Variants in DLG2 observed in about 807,000 individuals in gnomAD.
DLG2 encodes discs large MAGUK scaffold protein 2.
DLG2 carries 45 observed loss-of-function variants against 132.5 expected under a neutral mutation model. The observed-to-expected ratio is 0.34, with a 90% confidence interval of 0.27 to 0.44. DLG2 has a LOEUF of 0.44. Ranked by LOEUF, DLG2 falls within the 20% of genes least tolerant of loss-of-function variation. The probability of loss-of-function intolerance (pLI) is 1.00; values close to 1 mark genes in which losing one functional copy is unlikely to be tolerated. For synonymous variants in DLG2, 424 were observed against 419.6 expected (o/e 1.01, Z -0.13); for missense variants, 1,045 against 1,196.9 (o/e 0.87, Z 1.87).
Position 83,484,245 on chromosome 11 carries a change from G to A in DLG2, c.2194-17C>T. On this transcript the variant is annotated splice_polypyrimidine_tract_variant and intron_variant, in intron 21 of 27. Transcript: ENST00000376104. ...ATTGAATGACTGTGAAGGAGAAAAG[G>A]CATGGGGCAAAAACAGGGGACGTCT... The A allele has an allele frequency of 6.3e-7, 1 of 1,587,068 alleles. No individual in the cohort carries two copies. Among genetic ancestry groups the A allele is most frequent in the South Asian group, 1.1e-5 (1 of 89,436 alleles).
chr11:84,333,262 T>A (rs1257093799), intron 7 of DLG2, among the ~76,000 whole-genome samples: 1 of 152,240 alleles, frequency 6.6e-6, no homozygotes, highest in Non-Finnish European at 1.5e-5. Context: ...AAAATGAAAT[T>A]GTGCTGTTAA....
At chr11:84,018,951 A>G (rs1230967048) in intron 11 of DLG2, among the ~76,000 whole-genome samples, 1 of 152,082 alleles carries the variant, frequency 6.6e-6, no homozygotes, top group Non-Finnish European at 1.5e-5. Flanking sequence ...AACATAAAGG[A>G]CTACTTTTAA....
At chr11:83,635,914 A>G (rs528204572) in intron 18 of DLG2, among the ~76,000 whole-genome samples, 1 of 152,296 alleles carries the variant, frequency 6.6e-6, no homozygotes, top group South Asian at 2.1e-4. Flanking sequence ...TTGCACAAAA[A>G]TCATACAGCC....
chr11:83,508,188 G>A lies in DLG2; in HGVS notation c.2194-23960C>T, dbSNP rs188635857. Among the ~76,000 whole-genome samples the A allele has an allele frequency of 1.1e-3, 169 of 151,212 alleles. 2 individuals carry two copies. Among genetic ancestry groups the A allele is most frequent in the South Asian group, 9.0e-3 (43 of 4,776 alleles). On this transcript the variant is annotated intron_variant, in intron 21 of 27. Coordinates refer to ENST00000376104, the MANE Select transcript of DLG2 (RefSeq NM_001142699.3). ...ATCAAGTTGATACTCAGTATTAACC[G>A]TCACAACTGTTCTTTGATAACTCAA...
At chr11:85,176,030 C>T (rs971274360) in intron 4 of DLG2, among the ~76,000 whole-genome samples, 8 of 152,172 alleles carry the variant, frequency 5.3e-5, no homozygotes, top group Non-Finnish European at 1.0e-4. Flanking sequence ...TGAAAATGGC[C>T]ATACTGCCCA....
upstream of DLG2, among the ~76,000 whole-genome samples, chr11:85,628,092 G>A (rs1022963103): frequency 2.0e-5 from 3 of 152,148 alleles, no homozygotes; most frequent in Middle Eastern, 3.2e-3. Flanking sequence ...GGAGTCAGAC[G>A]GCTGAGAGGA....
intron 10 of DLG2, among the ~76,000 whole-genome samples, chr11:84,091,507 C>T (rs1035989987): frequency 1.3e-5 from 2 of 152,194 alleles, no homozygotes; most frequent in East Asian, 1.9e-4. Flanking sequence ...CAAGTCCAAT[C>T]ATGAGGCCTG....
At chr11:84,239,230 C>G (rs10898217) in intron 8 of DLG2, among the ~76,000 whole-genome samples, 23,904 of 151,992 alleles carry the variant, frequency 0.16, 2,012 homozygotes, top group East Asian at 0.24. Context: ...AACCAGGCTG[C>G]AGTGTAGGGG....
intron 6 of DLG2, among the ~76,000 whole-genome samples, chr11:84,920,142 G>A (rs1457959563): frequency 2.0e-5 from 3 of 152,158 alleles, no homozygotes; most frequent in Non-Finnish European, 4.4e-5. Context: ...AATTTACAAA[G>A]TGTTAGATTG....
At chr11:85,321,967 T>A (rs1353858246) in intron 3 of DLG2, among the ~76,000 whole-genome samples, 2 of 152,046 alleles carry the variant, frequency 1.3e-5, no homozygotes, top group African/African-American at 4.8e-5. Flanking sequence ...CGATGTTATA[T>A]TAAGGCTATA....
chr11:84,637,807 G>A (rs759436671), intron 6 of DLG2, among the ~76,000 whole-genome samples: 1 of 152,192 alleles, frequency 6.6e-6, no homozygotes, highest in Non-Finnish European at 1.5e-5. Context: ...GTGCGATGCA[G>A]TCTCTTCAAA....
At chr11:84,589,153 A>G (rs921236698) in intron 6 of DLG2, among the ~76,000 whole-genome samples, 6 of 152,156 alleles carry the variant, frequency 3.9e-5, no homozygotes, top group African/African-American at 1.2e-4. Context: ...GAAGAAAGAG[A>G]GAATGTCTTT....
intron 25 of DLG2, 39 bp downstream of exon 25, chr11:83,469,162 C>T (rs774903842): frequency 1.4e-6 from 2 of 1,448,418 alleles, no homozygotes; most frequent in East Asian, 2.5e-5. Flanking sequence ...AACCTAGAAA[C>T]CTTCTTCAGG....
intron 6 of DLG2, among the ~76,000 whole-genome samples, chr11:84,705,598 A>G (rs1255904708): frequency 1.3e-5 from 2 of 151,806 alleles, no homozygotes; most frequent in African/African-American, 2.4e-5. Context: ...AATTATGTTT[A>G]CAGACATTCA....
rs538287332 is a variant in DLG2 at position 85,139,982 on chromosome 11, G to A, written c.282+14574C>T. ...TCCTCCCAGGCTCCTCCATGTCATG[G>A]CAAGTGGAAAGATCTCATTCTTTTT... On this transcript the variant is annotated intron_variant, in intron 5 of 27. Coordinates refer to ENST00000376104, the MANE Select transcript of DLG2 (RefSeq NM_001142699.3). Among the ~76,000 whole-genome samples, 3 of 152,030 alleles carry A rather than the reference G, an allele frequency of 2.0e-5. No individual in the cohort carries two copies. In the East Asian group the frequency reaches 5.8e-4, roughly 29 times the overall value.
chr11:85,029,691 T>C (rs1462338007), intron 6 of DLG2, among the ~76,000 whole-genome samples: 4 of 152,190 alleles, frequency 2.6e-5, no homozygotes, highest in Non-Finnish European at 4.4e-5. Context: ...CTGTACATTA[T>C]GAACTATAAC....
chr11:85,000,260 G>C (rs935193375), intron 6 of DLG2, among the ~76,000 whole-genome samples: 1 of 152,056 alleles, frequency 6.6e-6, no homozygotes, highest in Non-Finnish European at 1.5e-5. Flanking sequence ...TTGCTCATTC[G>C]ATCTTCAAGA....
At chr11:84,832,365 T>G (rs1160059440) in intron 6 of DLG2, among the ~76,000 whole-genome samples, 1 of 151,636 alleles carries the variant, frequency 6.6e-6, no homozygotes, top group East Asian at 1.9e-4. Context: ...ATTTTACAGG[T>G]AATAAAAAGA....
At chr11:84,547,461 G>A (rs1171730671) in intron 6 of DLG2, among the ~76,000 whole-genome samples, 1 of 152,006 alleles carries the variant, frequency 6.6e-6, no homozygotes, top group African/African-American at 2.4e-5. Context: ...AGAATTTACT[G>A]AGCACCACTT....
Sources: allele counts gnomAD v4.1 joint callset (sites outside exome capture counted in the v4.1 genomes callset), GRCh38; gene constraint gnomAD v4.1.1; transcripts MANE v1.5; gene names NCBI Gene and HGNC (gene_info 2026-07-23, HGNC 2026-07-21).